The following SHROOM4 variants were observed in gnomAD, a reference collection of about 807,000 sequenced individuals.
SHROOM4 encodes protein Shroom4.
A neutral mutation model predicts 80.3 loss-of-function variants in SHROOM4; 17 were observed. The observed-to-expected ratio is 0.21, with a 90% CI of 0.14 to 0.32. SHROOM4 has a LOEUF of 0.32. Among genes scored for constraint, SHROOM4 ranks in the 10% least tolerant of loss-of-function variants. The pLI, the probability that SHROOM4 is intolerant of heterozygous loss-of-function variation, is 1.00. For missense variants in SHROOM4, 993 were observed against 1,140.3 expected (o/e 0.87, Z 1.86); for synonymous variants, 400 against 437.5 (o/e 0.91, Z 1.07).
At chrX:50,676,706 A>G (rs1416946216) in intron 2 of SHROOM4, among the ~76,000 whole-genome samples, 1 of 110,970 alleles carries the variant, frequency 9.0e-6, no homozygotes, top group East Asian at 2.8e-4. Flanking sequence ...GCGTTTAAAT[A>G]TTGTTCAAAA....
chrX:50,806,429 G>A (rs1266056251), intron 1 of SHROOM4, among the ~76,000 whole-genome samples: 1 of 112,250 alleles, frequency 8.9e-6, no homozygotes, highest in Non-Finnish European at 1.9e-5. Flanking sequence ...ATCATCCGTT[G>A]CAACACTAAT....
At chrX:50,811,619 G>A (rs1221801948) in intron 1 of SHROOM4, among the ~76,000 whole-genome samples, 1 of 110,924 alleles carries the variant, frequency 9.0e-6, no homozygotes, top group Non-Finnish European at 1.9e-5. Flanking sequence ...AAATGAAGAG[G>A]GAATTAATGA....
intron 2 of SHROOM4, among the ~76,000 whole-genome samples, chrX:50,654,296 T>C (rs1932225611): frequency 9.0e-6 from 1 of 111,269 alleles, no homozygotes; most frequent in Non-Finnish European, 1.9e-5. Context: ...CATTAAGGCT[T>C]TTGTCTGGTT....
At chrX:50,709,999 T>A (rs919045582) in intron 1 of SHROOM4, among the ~76,000 whole-genome samples, 1 of 111,893 alleles carries the variant, frequency 8.9e-6, no homozygotes, top group Non-Finnish European at 1.9e-5. Context: ...CTGGTGATGC[T>A]CACATTGCCA....
At chrX:50,676,164 T>TTC (rs1932851916) in intron 2 of SHROOM4, among the ~76,000 whole-genome samples, 1 of 111,642 alleles carries the variant, frequency 9.0e-6, no homozygotes, top group Non-Finnish European at 1.9e-5. Context: ...GAATTATGTT[T>TTC]TCCAGTCTGG....
chrX:50,642,613 C>T (rs1265103608), intron 2 of SHROOM4, among the ~76,000 whole-genome samples: 2 of 111,010 alleles, frequency 1.8e-5, no homozygotes, highest in Non-Finnish European at 3.8e-5. Context: ...CAGGTGCATG[C>T]TACCGTGCCC....
At chrX:50,702,342 A>T (rs1933538801) in intron 1 of SHROOM4, among the ~76,000 whole-genome samples, 1 of 111,464 alleles carries the variant, frequency 9.0e-6, no homozygotes. Context: ...ATACTTAGAG[A>T]CTCCGAAGAG....
intron 2 of SHROOM4, among the ~76,000 whole-genome samples, chrX:50,648,291 A>G (rs1463817287): frequency 1.4e-4 from 16 of 111,919 alleles, no homozygotes; most frequent in Non-Finnish European, 3.0e-4. Flanking sequence ...ATGAGCTATG[A>G]TACTTGAGTC....
intron 1 of SHROOM4, among the ~76,000 whole-genome samples, chrX:50,749,107 G>A (rs946421348): frequency 9.0e-6 from 1 of 111,730 alleles, no homozygotes; most frequent in Non-Finnish European, 1.9e-5. Flanking sequence ...AACTACTGGG[G>A]AGGCTGAGGT....
At chrX:50,688,031 C>A (rs1481336175) in intron 2 of SHROOM4, among the ~76,000 whole-genome samples, 1 of 110,225 alleles carries the variant, frequency 9.1e-6, no homozygotes, top group African/African-American at 3.3e-5. Flanking sequence ...TTTTTTTCCT[C>A]TATAGAGCCA....
chrX:50,766,663 G>T (rs1469515687), intron 1 of SHROOM4, among the ~76,000 whole-genome samples: 1 of 111,483 alleles, frequency 9.0e-6, no homozygotes, highest in Non-Finnish European at 1.9e-5. Context: ...TTGAGGAGTG[G>T]TAAATTTCTG....
chrX:50,625,014 AT>A (rs1930737727), intron 5 of SHROOM4, among the ~76,000 whole-genome samples: 2 of 111,760 alleles, frequency 1.8e-5, no homozygotes, highest in Non-Finnish European at 1.9e-5. Context: ...GAAAAAGAAA[AT>A]TTTCAATGGT....
At position 50,757,620 on chromosome X, in the gene SHROOM4, C is replaced by T. The variant is rs781898690; in HGVS notation, c.117+56282G>A. ...GGTGGATCACTTGAGGTCAGGATAT[C>T]GAGATCAGCCTGGCCAACATGGTGA... On this transcript the variant is annotated intron_variant, in intron 1 of 8. Coordinates refer to ENST00000376020, the MANE Select transcript of SHROOM4 (RefSeq NM_020717.5). Among the ~76,000 whole-genome samples the T allele has an allele frequency of 8.9e-4, 99 of 111,338 alleles. 4 individuals carry two copies. The South Asian group carries it at 0.036, about 41-fold the overall frequency.
intron 1 of SHROOM4, among the ~76,000 whole-genome samples, chrX:50,804,217 ATTAC>A (rs1936181523): frequency 8.9e-6 from 1 of 111,793 alleles, no homozygotes; most frequent in Admixed American, 9.5e-5. Context: ...CGCAGGTTGT[ATTAC>A]TCTCATTTTG....
In SHROOM4 at chrX:50,801,295, C is replaced by T. The variant is rs781794297; in HGVS notation, c.117+12607G>A. Reference sequence around the variant, plus strand: ...GAGAGAGAGAGAGAGAGAGAGAACACGTACTGCCAGCATGGGGCAAAACCT... The same window carrying T: ...GAGAGAGAGAGAGAGAGAGAGAACATGTACTGCCAGCATGGGGCAAAACCT... On this transcript the variant is annotated intron_variant, in intron 1 of 8. Coordinates refer to ENST00000376020, the MANE Select transcript of SHROOM4 (RefSeq NM_020717.5). Among the ~76,000 whole-genome samples the T allele has an allele frequency of 9.7e-5, 4 of 41,365 alleles. No individual in the cohort carries two copies. The East Asian group carries it at 3.7e-3, about 38-fold the overall frequency. The allele number at this position is 41,365 out of a possible 115,157, so 35.9% of individuals were successfully genotyped here. A position where few individuals can be genotyped will look rare whatever the true frequency, so the allele number is the denominator to read the frequency against.
chrX:50,639,067 A>G (rs1557256722), intron 2 of SHROOM4, among the ~76,000 whole-genome samples: 1 of 112,725 alleles, frequency 8.9e-6, no homozygotes. Context: ...TCAGCAGGTC[A>G]GGGGTATATA....
At position 50,718,214 on chromosome X, in the gene SHROOM4, C is replaced by T. The variant is rs112003949; in HGVS notation, c.118-22277G>A. 8.6e-3 allele frequency among the ~76,000 whole-genome samples: 960 copies of T among 111,837 alleles called. 8 individuals carry two copies. The highest frequency in any genetic ancestry group is 0.029 in the African/African-American group (888 of 30,745). The stretch of plus-strand genomic sequence containing the variant: ...AGAGACAGGCATATAAATCCAGATG[C>T]GGAATATGATAATTTCAATTTGCTG... On this transcript the variant is annotated intron_variant, in intron 1 of 8. Coordinates refer to ENST00000376020, the MANE Select transcript of SHROOM4 (RefSeq NM_020717.5).
At chrX:50,629,166 G>A (rs1036857526) in intron 4 of SHROOM4, among the ~76,000 whole-genome samples, 6 of 111,384 alleles carry the variant, frequency 5.4e-5, no homozygotes, top group Admixed American at 2.9e-4. Flanking sequence ...AGCCACATAG[G>A]TTCCTGGTAC....
At chrX:50,581,180 G>C in the SHROOM4 span, among the ~76,000 whole-genome samples, 1 of 112,133 alleles carries the variant, frequency 8.9e-6, no homozygotes, top group Non-Finnish European at 1.9e-5. Flanking sequence ...TCAACAGTGT[G>C]GTAGGCAGTG....
Sources: allele counts gnomAD v4.1 joint callset (sites outside exome capture counted in the v4.1 genomes callset), GRCh38; gene constraint gnomAD v4.1.1; transcripts MANE v1.5; gene names NCBI Gene and HGNC (gene_info 2026-07-23, HGNC 2026-07-21).